The following PLCB1 variants were observed in gnomAD, a reference collection of about 807,000 sequenced individuals.
PLCB1 encodes phospholipase C beta 1, also known as 1-phosphatidylinositol 4,5-bisphosphate phosphodiesterase beta-1.
PLCB1 carries 46 observed loss-of-function variants against 161.8 expected under a neutral mutation model. The observed-to-expected ratio is 0.28, with a 90% CI of 0.22 to 0.36. The LOEUF is 0.36. PLCB1 is among the 10% of genes least tolerant of loss of function. The probability of loss-of-function intolerance (pLI) is 1.00; values close to 1 mark genes in which losing one functional copy is unlikely to be tolerated. For synonymous variants in PLCB1, 517 were observed against 503.7 expected, an observed-to-expected ratio of 1.03 and a Z score of -0.35; for missense variants, 1,016 against 1,472.5, an observed-to-expected ratio of 0.69 and a Z score of 5.07.
At chr20:8,593,812 T>G (rs555168509) in intron 3 of PLCB1, among the ~76,000 whole-genome samples, 1 of 152,218 alleles carries the variant, frequency 6.6e-6, no homozygotes, top group Admixed American at 6.5e-5. Context: ...TCGGGGAAGA[T>G]TCTATTATCA....
At chr20:8,374,759 A>G (rs1987020914) in intron 3 of PLCB1, among the ~76,000 whole-genome samples, 1 of 152,242 alleles carries the variant, frequency 6.6e-6, no homozygotes, top group Admixed American at 6.5e-5. Flanking sequence ...GCAATGTAAC[A>G]AAAGGACAGA....
chr20:8,633,849 T>C lies in PLCB1; in HGVS notation c.384+5418T>C, dbSNP rs61610485. On this transcript the variant is annotated intron_variant, in intron 4 of 31. Coordinates refer to ENST00000338037, the MANE Select transcript of PLCB1 (RefSeq NM_015192.4). The stretch of plus-strand genomic sequence containing the variant: ...ACATGATAGATTAGTCTTACCTGTT[T>C]TTAAAATATCTGTAAATGAAATCAT... Among the ~76,000 whole-genome samples, 543 of 152,330 alleles carry C rather than the reference T, an allele frequency of 3.6e-3. 3 individuals carry two copies. Among genetic ancestry groups the C allele is most frequent in the African/African-American group, 0.012 (506 of 41,572 alleles).
At chr20:8,594,372 C>A (rs1463195282) in intron 3 of PLCB1, among the ~76,000 whole-genome samples, 1 of 151,656 alleles carries the variant, frequency 6.6e-6, no homozygotes, top group African/African-American at 2.4e-5. Flanking sequence ...TGGGCTACTC[C>A]ACCACGCTAC....
intron 10 of PLCB1, among the ~76,000 whole-genome samples, chr20:8,695,994 A>G (rs562142451): frequency 6.6e-6 from 1 of 152,262 alleles, no homozygotes; most frequent in South Asian, 2.1e-4. Context: ...TGTTAGTTCT[A>G]TTCACAGAAG....
intron 2 of PLCB1, among the ~76,000 whole-genome samples, chr20:8,177,842 ACT>A (rs1366542995): frequency 1.3e-5 from 2 of 151,394 alleles, no homozygotes; most frequent in African/African-American, 4.9e-5. Flanking sequence ...CCCTCCTTCC[ACT>A]CTCTACTGTC....
At chr20:8,700,869 T>G (rs181148477) in intron 11 of PLCB1, among the ~76,000 whole-genome samples, 306 of 152,152 alleles carry the variant, frequency 2.0e-3, no homozygotes, top group African/African-American at 7.2e-3. Flanking sequence ...GAGATGTGGG[T>G]AGGTGACAGT....
chr20:8,169,512 T>G (rs2051710423), intron 2 of PLCB1, among the ~76,000 whole-genome samples: 2 of 152,160 alleles, frequency 1.3e-5, no homozygotes, highest in South Asian at 4.1e-4. Flanking sequence ...TTAGTAAATT[T>G]TAATATATAT....
intron 3 of PLCB1, among the ~76,000 whole-genome samples, chr20:8,386,246 T>C (rs897737657): frequency 1.3e-5 from 2 of 152,188 alleles, no homozygotes; most frequent in Non-Finnish European, 1.5e-5. Context: ...AAAATCCCTA[T>C]CTATAGCAGT....
intron 2 of PLCB1, among the ~76,000 whole-genome samples, chr20:8,346,340 G>A (rs1254069892): frequency 1.3e-5 from 2 of 152,106 alleles, no homozygotes; most frequent in Non-Finnish European, 2.9e-5. Flanking sequence ...GATTTTCAAG[G>A]CTTGAGTAAT....
At chr20:8,561,959 A>T (rs897211583) in intron 3 of PLCB1, among the ~76,000 whole-genome samples, 2 of 151,486 alleles carry the variant, frequency 1.3e-5, no homozygotes, top group East Asian at 2.0e-4. Context: ...GCAGCAAAAA[A>T]CTCCCCTGGC....
chr20:8,811,705 G>A (rs6056143), intron 31 of PLCB1, among the ~76,000 whole-genome samples: 4,024 of 152,280 alleles, frequency 0.026, 165 homozygotes, highest in African/African-American at 0.092. Flanking sequence ...TACATGAACA[G>A]CAATACTTAC....
chr20:8,297,441 C>T (rs961670565), intron 2 of PLCB1, among the ~76,000 whole-genome samples: 3 of 151,798 alleles, frequency 2.0e-5, no homozygotes, highest in African/African-American at 7.3e-5. Context: ...CTGAGTACAT[C>T]GATATACAAA....
chr20:8,425,870 GA>G (rs35337946), intron 3 of PLCB1, among the ~76,000 whole-genome samples: 7,196 of 144,428 alleles, frequency 0.05, 532 homozygotes, highest in African/African-American at 0.16. Flanking sequence ...TCCAATTTCA[GA>G]AAAAAAAAAA....
At chr20:8,575,903 G>A (rs1986660877) in intron 3 of PLCB1, among the ~76,000 whole-genome samples, 1 of 152,134 alleles carries the variant, frequency 6.6e-6, no homozygotes. Flanking sequence ...TAAACTGATT[G>A]ATCAAACTCA....
At chr20:8,159,978 A>T (rs1161597794) in intron 2 of PLCB1, among the ~76,000 whole-genome samples, 5 of 143,166 alleles carry the variant, frequency 3.5e-5, no homozygotes, top group Non-Finnish European at 7.6e-5. Flanking sequence ...ACAAGAGTGA[A>T]ACTCCATCTC....
At chr20:8,572,177 A>G (rs1245087488) in intron 3 of PLCB1, among the ~76,000 whole-genome samples, 2 of 152,200 alleles carry the variant, frequency 1.3e-5, no homozygotes, top group Admixed American at 6.5e-5. Context: ...TAGATAGTAC[A>G]TGCCTATGTT....
intron 23 of PLCB1, among the ~76,000 whole-genome samples, chr20:8,756,464 A>T (rs1488387320): frequency 1.3e-5 from 2 of 152,124 alleles, no homozygotes; most frequent in Non-Finnish European, 2.9e-5. Context: ...AGCTTATAAC[A>T]TCAACTAGTT....
At chr20:8,604,154 G>A (rs1987685157) in intron 3 of PLCB1, among the ~76,000 whole-genome samples, 1 of 149,878 alleles carries the variant, frequency 6.7e-6, no homozygotes. Context: ...TTGGGTGGCT[G>A]AGGCATGAGA....
At chr20:8,651,386 C>T (rs1989317536) in intron 7 of PLCB1, 1 of 711,062 alleles carries the variant, frequency 1.4e-6, no homozygotes, top group Admixed American at 2.0e-5. Flanking sequence ...ATAAGAGCAC[C>T]TCTTCACTAT....
Sources: gnomAD v4.1 joint callset for allele counts (sites outside exome capture counted in the v4.1 genomes callset) on GRCh38, gnomAD v4.1.1 for gene constraint, MANE v1.5 for transcripts, NCBI Gene and HGNC (gene_info 2026-07-23, HGNC 2026-07-21) for gene names.